FER: variants seen among roughly 807,000 people sequenced by gnomAD.
FER encodes FER tyrosine kinase.
FER carries 63 observed loss-of-function variants against 111.0 expected under a neutral mutation model. The observed-to-expected ratio is 0.57, with a 90% CI of 0.46 to 0.70. The LOEUF is 0.70. Ranked by LOEUF, FER falls within the 30% of genes least tolerant of loss-of-function variation. The probability of loss-of-function intolerance (pLI) is 0.00; values close to 1 mark genes in which losing one functional copy is unlikely to be tolerated. For missense variants in FER, 914 were observed against 954.0 expected (o/e 0.96, Z 0.55); for synonymous variants, 327 against 313.9 (o/e 1.04, Z -0.44).
At chr5:108,822,506 G>GA (rs1180575714) in intron 3 of FER, among the ~76,000 whole-genome samples, 1 of 152,110 alleles carries the variant, frequency 6.6e-6, no homozygotes, top group Non-Finnish European at 1.5e-5. Context: ...TGCAAAGAGA[G>GA]AAAATCCAGG....
rs79787099 is a variant in FER at position 109,186,523 on chromosome 5, T to C, written c.2326+201T>C. Among the ~76,000 whole-genome samples, 778 of 152,206 alleles carry C rather than the reference T, an allele frequency of 5.1e-3. 9 individuals carry two copies. The highest frequency in any genetic ancestry group is 0.017 in the African/African-American group (717 of 41,520). On this transcript the variant is annotated intron_variant, in intron 19 of 19. Transcript: ENST00000281092. ...GAAGGATTTCAATGCGAGAGAGAGG[T>C]ATATAGGCTTTTCTTCCACCCTTTC... is the stretch of plus-strand genomic sequence containing the variant.
chr5:108,946,256 T>C lies in FER; in HGVS notation c.1329+34T>C, dbSNP rs779624599. ...GATTAACTCTCTGTGCTACTGAAAA[T>C]GGTCATTGTCTAGCTTCTTTCTGAT... is the stretch of plus-strand genomic sequence containing the variant. On this transcript the variant is annotated intron_variant, in intron 11 of 19. Transcript: ENST00000281092. 13 of 1,480,526 alleles carry C rather than the reference T, an allele frequency of 8.8e-6. No homozygotes were observed. In the Admixed American group the frequency reaches 2.0e-4, roughly 23 times the overall value. 91.7% of individuals were successfully genotyped at this position (1,480,526 alleles called of 1,614,324 possible).
intron 3 of FER, chr5:108,820,333 T>C: frequency 1.0e-6 from 1 of 985,426 alleles, no homozygotes; most frequent in Non-Finnish European, 1.2e-6. Context: ...TTTTATTCAA[T>C]GCTTAATTTT....
At chr5:109,143,784 C>T (rs1753775441) in intron 17 of FER, among the ~76,000 whole-genome samples, 1 of 151,404 alleles carries the variant, frequency 6.6e-6, no homozygotes, top group South Asian at 2.1e-4. Flanking sequence ...AAGCTATCCT[C>T]CCACTTCAGT....
At chr5:109,004,247 C>T (rs749282420) in intron 13 of FER, among the ~76,000 whole-genome samples, 1 of 152,096 alleles carries the variant, frequency 6.6e-6, no homozygotes. Flanking sequence ...ACATTTTAAG[C>T]CCTCATCAGC....
intron 11 of FER, among the ~76,000 whole-genome samples, chr5:108,948,814 T>C (rs1220895792): frequency 1.3e-5 from 2 of 152,116 alleles, no homozygotes; most frequent in South Asian, 2.1e-4. Context: ...ATCACTGATA[T>C]ATGGAGTGAA....
At chr5:109,050,984 C>T (rs1379067674) in intron 16 of FER, among the ~76,000 whole-genome samples, 1 of 152,170 alleles carries the variant, frequency 6.6e-6, no homozygotes, top group African/African-American at 2.4e-5. Flanking sequence ...CATTCACATA[C>T]CCAGAACCAT....
At chr5:108,949,344 GTCTTCTGTTAT>G (rs1757420967) in intron 11 of FER, among the ~76,000 whole-genome samples, 2 of 151,962 alleles carry the variant, frequency 1.3e-5, no homozygotes, top group African/African-American at 4.8e-5. Flanking sequence ...TATATCAGTT[GTCTTCTGTTAT>G]TCTTAAGGTC....
intron 10 of FER, among the ~76,000 whole-genome samples, chr5:108,932,183 C>G (rs764691732): frequency 6.6e-6 from 1 of 152,082 alleles, no homozygotes; most frequent in Non-Finnish European, 1.5e-5. Context: ...CCCCCTACCC[C>G]CTGACAGGCC....
chr5:109,056,740 G>A (rs370215750), intron 16 of FER, among the ~76,000 whole-genome samples: 1 of 151,964 alleles, frequency 6.6e-6, no homozygotes, highest in African/African-American at 2.4e-5. Flanking sequence ...CAAAAAAATG[G>A]GTAACTATGT....
intron 8 of FER, among the ~76,000 whole-genome samples, chr5:108,873,055 A>G (rs969853390): frequency 2.2e-5 from 3 of 138,712 alleles, no homozygotes; most frequent in Non-Finnish European, 4.9e-5. Flanking sequence ...GTTCAGTAAC[A>G]TGGTGGTGGT....
chr5:108,800,443 C>G (rs1010894422), intron 3 of FER, among the ~76,000 whole-genome samples: 3 of 152,060 alleles, frequency 2.0e-5, no homozygotes, highest in Non-Finnish European at 4.4e-5. Context: ...CTTGACCACC[C>G]AGGCTCAAGC....
chr5:109,000,797 C>A (rs560689696), intron 13 of FER, among the ~76,000 whole-genome samples: 29 of 152,064 alleles, frequency 1.9e-4, no homozygotes, highest in African/African-American at 6.7e-4. Context: ...ATCAAATAGA[C>A]ACAATAAAAA....
At chr5:108,995,562 C>T (rs1382128779) in intron 13 of FER, among the ~76,000 whole-genome samples, 6 of 151,978 alleles carry the variant, frequency 3.9e-5, no homozygotes, top group Non-Finnish European at 5.9e-5. Flanking sequence ...TTATAGTTTT[C>T]AGCTTCATCC....
chr5:108,776,219 T>G (rs1346403335), intron 2 of FER, among the ~76,000 whole-genome samples: 2 of 152,148 alleles, frequency 1.3e-5, no homozygotes, highest in East Asian at 3.8e-4. Flanking sequence ...AATGAAGGAT[T>G]TCTTATTTCT....
chr5:109,099,730 C>T (rs1747989255), intron 16 of FER, among the ~76,000 whole-genome samples: 1 of 151,374 alleles, frequency 6.6e-6, no homozygotes, highest in African/African-American at 2.4e-5. Flanking sequence ...TACTAGTAAA[C>T]TTCAAATTAC....
intron 5 of FER, among the ~76,000 whole-genome samples, chr5:108,852,942 ATTAC>A (rs1210383195): frequency 6.6e-6 from 1 of 152,128 alleles, no homozygotes; most frequent in Non-Finnish European, 1.5e-5. Flanking sequence ...TATTCTTTGT[ATTAC>A]TTCCTAAATT....
At position 108,957,874 on chromosome 5, in the gene FER, AG is replaced by A. The variant is rs1267335734; in HGVS notation, c.1534-1350del. Among the ~76,000 whole-genome samples, 4 of 151,626 alleles carry A rather than the reference AG, an allele frequency of 2.6e-5. No individual in the cohort carries two copies. The South Asian group carries it at 6.2e-4, about 24-fold the overall frequency. On this transcript the variant is annotated intron_variant, in intron 12 of 19. Transcript: ENST00000281092. ...CACTAAGGAATAAGCTGAGACACTG[AG>A]AGATCTTTCTCAGTGTTTTGCACAC...
chr5:108,908,720 C>G (rs570383948), intron 10 of FER, among the ~76,000 whole-genome samples: 939 of 69,656 alleles, frequency 0.013, 6 homozygotes, highest in Middle Eastern at 0.055. Flanking sequence ...GACTCCGTCT[C>G]AAAAAAAAAA....
Sources: gnomAD v4.1 joint callset for allele counts (sites outside exome capture counted in the v4.1 genomes callset) on GRCh38, gnomAD v4.1.1 for gene constraint, MANE v1.5 for transcripts, NCBI Gene and HGNC (gene_info 2026-07-23, HGNC 2026-07-21) for gene names.